The following PKD2L1 variants were observed in gnomAD, a reference collection of about 807,000 sequenced individuals.
The protein encoded by PKD2L1 is polycystin 2 like 1, transient receptor potential cation channel.
In PKD2L1, 77 loss-of-function variants were observed where a neutral mutation model predicts 93.0. That is an observed-to-expected ratio of 0.83 (90% confidence interval 0.69 to 1.00). The LOEUF is 1.00. Among genes scored for constraint, PKD2L1 ranks in the 50% least tolerant of loss-of-function variants. The pLI is 0.00. For synonymous variants in PKD2L1, 390 were observed against 388.0 expected (o/e 1.01, Z -0.06); for missense variants, 977 against 990.9 (o/e 0.99, Z 0.19).
chr10:100,303,029 C>T (rs565693093), intron 2 of PKD2L1, among the ~76,000 whole-genome samples: 17 of 152,092 alleles, frequency 1.1e-4, no homozygotes, highest in Middle Eastern at 3.4e-3. Flanking sequence ...TGTGTGCACA[C>T]GCACATGTGT....
chr10:100,322,192 C>T (rs2133571446), intron 2 of PKD2L1, among the ~76,000 whole-genome samples: 1 of 152,200 alleles, frequency 6.6e-6, no homozygotes, highest in Admixed American at 6.5e-5. Context: ...CGCATAACAG[C>T]CTGAGCAACA....
In PKD2L1 at chr10:100,297,061, C is replaced by T. The variant is rs1158302472; in HGVS notation, c.1104G>A (p.Val368=). 1.2e-6 allele frequency: 2 copies of T among 1,613,902 alleles called. No homozygotes were observed. The highest frequency in any genetic ancestry group is 1.1e-5 in the South Asian group (1 of 91,062). ...GAATGTGGAGCTCCAGGATCTCTTC[C>T]ACCACATAGTAGAAGATGAAGACGC... ...IFCVFIFYYV[V]EEILELHIHR... is the part of the protein sequence containing the mutation. Residue 368 remains valine (V), a synonymous_variant, in exon 6 of 16, where the codon GTG becomes GTA. Coordinates refer to ENST00000318222, the MANE Select transcript of PKD2L1 (RefSeq NM_016112.3).
chr10:100,289,614 G>A (rs570903189), intron 14 of PKD2L1, among the ~76,000 whole-genome samples: 163 of 152,100 alleles, frequency 1.1e-3, no homozygotes, highest in African/African-American at 3.7e-3. Flanking sequence ...CCATGAAAGG[G>A]CACAGCAAGA....
chr10:100,288,651 C>G (rs1035798102), intron 15 of PKD2L1, among the ~76,000 whole-genome samples, 173 bp from the exon 16 acceptor site: 2 of 152,136 alleles, frequency 1.3e-5, no homozygotes, highest in Non-Finnish European at 2.9e-5. Context: ...AGCCATTACC[C>G]TCCCTCTCTT....
At chr10:100,327,156 G>A (rs1463888738) in intron 2 of PKD2L1, among the ~76,000 whole-genome samples, 1 of 152,196 alleles carries the variant, frequency 6.6e-6, no homozygotes, top group Admixed American at 6.5e-5. Flanking sequence ...TAAGAGGAAG[G>A]AAACAGAGCT....
chr10:100,297,434 A>T lies in PKD2L1; in HGVS notation c.904T>A (p.Phe302Ile), dbSNP rs779479595. The change falls in exon 5 of 16, where the codon TTC (phenylalanine) becomes ATC (isoleucine). Residue 302 changes from phenylalanine (F) to isoleucine (I), a missense_variant. Transcript: ENST00000318222. ...LWLDRGTRVV[F>I]IDFSVYNANI... Reference sequence around the variant, plus strand: ...GCATTGTAGACTGAGAAGTCGATGAACACCACTCGAGTGCCCCTGTCCAGC... The same window carrying T: ...GCATTGTAGACTGAGAAGTCGATGATCACCACTCGAGTGCCCCTGTCCAGC... The T allele has an allele frequency of 6.2e-7, 1 of 1,614,156 alleles. No homozygotes were observed. Among genetic ancestry groups the T allele is most frequent in the South Asian group, 1.1e-5 (1 of 91,070 alleles).
rs561284835 is a variant in PKD2L1 at position 100,292,863 on chromosome 10, A to G, written c.1880+85T>C. ...ATCAGAGGCCCCTAAACTAAAACCA[A>G]AGGCTTATAAGCAAATGAAGTATGG... On this transcript the variant is annotated intron_variant, in intron 11 of 15. Coordinates refer to ENST00000318222, the MANE Select transcript of PKD2L1 (RefSeq NM_016112.3). The G allele has an allele frequency of 2.2e-4, 316 of 1,433,344 alleles. 2 individuals are homozygous for G. The highest frequency in any genetic ancestry group is 1.3e-3 in the Middle Eastern group (7 of 5,406). The allele number at this position is 1,433,344 out of a possible 1,614,324, so 88.8% of individuals were successfully genotyped here. A position where few individuals can be genotyped will look rare whatever the true frequency, so the allele number is the denominator to read the frequency against.
rs1403938941 is a variant in PKD2L1, at chr10:100,297,388, A to G, written c.950T>C (p.Val317Ala). 1 of 1,613,196 alleles carries G rather than the reference A, an allele frequency of 6.2e-7. No homozygotes were observed. The highest frequency in any genetic ancestry group is 8.5e-7 in the Non-Finnish European group (1 of 1,179,224). The change falls in exon 5 of 16, where the codon GTC (valine) becomes GCC (alanine). Residue 317 changes from valine (V) to alanine (A), a missense_variant. Physicochemically the swap from Val to Ala is moderately conservative, Grantham distance 64 (BLOSUM62 0). Transcript: ENST00000318222. ...GTAGGGAAAGGGGGCTCACCTCAGG[A>G]CACAGAAAAGATTGATATTGGCATT... ...VYNANINLFC[V>A]LRLVVEFPAT...
chr10:100,320,590 C>T (rs779934749), intron 2 of PKD2L1, among the ~76,000 whole-genome samples: 5 of 152,202 alleles, frequency 3.3e-5, no homozygotes, highest in Non-Finnish European at 7.3e-5. Context: ...TCCCTTTCCT[C>T]CTTTGTCCCC....
In PKD2L1 at chr10:100,291,313, C is replaced by T. The variant is rs1848401130; in HGVS notation, c.1995G>A (p.Leu665=). 6.2e-7 allele frequency: 1 copy of T among 1,613,834 alleles called. No individual in the cohort carries two copies. Among genetic ancestry groups the T allele is most frequent in the South Asian group, 1.1e-5 (1 of 91,070 alleles). Residue 665 remains leucine (L), a synonymous_variant, in exon 12 of 16, where the codon CTG becomes CTA. Coordinates refer to ENST00000318222, the MANE Select transcript of PKD2L1 (RefSeq NM_016112.3). ...EKEQEKMRQD[L]EEERVALNTE... is the part of the protein sequence containing the mutation. ...CAGCCCAGCTCACCCTCTCTTCCTCCAGGTCCTGTCGCATTTTTTCCTGTT... is the reference window on the plus strand; with the variant it reads ...CAGCCCAGCTCACCCTCTCTTCCTCTAGGTCCTGTCGCATTTTTTCCTGTT...
intron 14 of PKD2L1, among the ~76,000 whole-genome samples, 196 bp downstream of exon 14, chr10:100,289,819 T>C (rs554536492): frequency 6.6e-6 from 1 of 152,324 alleles, no homozygotes; most frequent in African/African-American, 2.4e-5. Context: ...AAGGCAGCCC[T>C]TAGGCCAGGG....
At chr10:100,297,941 C>G (rs1848588834) in intron 4 of PKD2L1, among the ~76,000 whole-genome samples, 1 of 152,046 alleles carries the variant, frequency 6.6e-6, no homozygotes, top group African/African-American at 2.4e-5. Context: ...CTATGTCACT[C>G]AAAGATTTGG....
intron 8 of PKD2L1, 32 bp from the exon 9 acceptor site, chr10:100,294,687 C>G (rs1174116569): frequency 3.1e-6 from 5 of 1,613,372 alleles, no homozygotes; most frequent in African/African-American, 1.3e-5. Flanking sequence ...TTACCCAGAG[C>G]CTAACAAACA....
intron 2 of PKD2L1, among the ~76,000 whole-genome samples, chr10:100,321,490 T>C (rs1849226244): frequency 1.5e-5 from 2 of 136,300 alleles, no homozygotes; most frequent in South Asian, 2.3e-4. Flanking sequence ...GAAAAGAAAA[T>C]ATAGCAACAC....
chr10:100,303,829 C>T (rs892235168), intron 2 of PKD2L1, among the ~76,000 whole-genome samples: 1 of 152,230 alleles, frequency 6.6e-6, no homozygotes, highest in African/African-American at 2.4e-5. Context: ...AAGCCCATCA[C>T]AGTTACAACT....
chr10:100,290,351 G>C, intron 13 of PKD2L1, 50 bp downstream of exon 13: 1 of 1,341,516 alleles, frequency 7.5e-7, no homozygotes, highest in Non-Finnish European at 1.1e-6. Flanking sequence ...ACAGGGTATC[G>C]TAATAGAAGT....
At chr10:100,298,396 C>T (rs1431358187) in intron 4 of PKD2L1, among the ~76,000 whole-genome samples, 166 bp downstream of exon 4, 1 of 152,084 alleles carries the variant, frequency 6.6e-6, no homozygotes, top group African/African-American at 2.4e-5. Flanking sequence ...TGACACAGAC[C>T]AAGGTCCCCA....
intron 2 of PKD2L1, among the ~76,000 whole-genome samples, chr10:100,303,351 G>A (rs1437563445): frequency 6.6e-6 from 1 of 151,966 alleles, no homozygotes; most frequent in Non-Finnish European, 1.5e-5. Context: ...GCAGCACGAC[G>A]CCCGGCTAAT....
chr10:100,318,663 C>T (rs1849157190), intron 2 of PKD2L1, among the ~76,000 whole-genome samples: 1 of 151,334 alleles, frequency 6.6e-6, no homozygotes, highest in South Asian at 2.1e-4. Context: ...GGACTACAGG[C>T]ATCTGCCACC....
Sources: allele counts gnomAD v4.1 joint callset (sites outside exome capture counted in the v4.1 genomes callset), GRCh38; gene constraint gnomAD v4.1.1; transcripts MANE v1.5; gene names NCBI Gene and HGNC (gene_info 2026-07-23, HGNC 2026-07-21).